The following DAPK3 variants were observed in gnomAD, a reference collection of about 807,000 sequenced individuals.
The protein encoded by DAPK3 is death associated protein kinase 3.
In DAPK3, 24 loss-of-function variants were observed where a neutral mutation model predicts 30.6. That is an observed-to-expected ratio of 0.78 (90% CI 0.57 to 1.10). The LOEUF (loss-of-function observed/expected upper bound fraction) is 1.10. DAPK3 is among the 50% of genes least tolerant of loss of function. The probability of loss-of-function intolerance (pLI) is 0.00; values close to 1 mark genes in which losing one functional copy is unlikely to be tolerated. For synonymous variants in DAPK3, 341 were observed against 284.0 expected, an observed-to-expected ratio of 1.20 and a Z score of -2.02; for missense variants, 629 against 657.3, an observed-to-expected ratio of 0.96 and a Z score of 0.47.
rs2039476091 is a variant in DAPK3, at chr19:3,959,283, C to T, written c.1183G>A (p.Ala395Thr). ...AGCGCGCCCTTGGCCTCCTCCTGCG[C>T]CTGCCGCTTGAGCGCCTCGGTCTTG... Reference protein sequence around the residue: ...LLKTEALKRQAQEEAKGALLG... With the variant: ...LLKTEALKRQTQEEAKGALLG... The change falls in exon 9 of 9, where the codon GCG becomes ACG. Residue 395 changes from alanine (A) to threonine (T), a missense_variant. This residue lies in a region of DAPK3 where 323 missense variants were observed against 278.8 expected (regional missense o/e 1.16). Coordinates refer to ENST00000545797, the MANE Select transcript of DAPK3 (RefSeq NM_001348.3). The T allele has an allele frequency of 4.4e-6, 7 of 1,597,664 alleles. No homozygotes were observed. In the East Asian group the frequency reaches 1.6e-4, roughly 36 times the overall value.
Position 3,961,078 on chromosome 19 carries a change from T to G in DAPK3, c.713A>C (p.Glu238Ala), listed in dbSNP as rs1354849188. 1 of 1,613,852 alleles carries G rather than the reference T, an allele frequency of 6.2e-7. No homozygotes were observed. The highest frequency in any genetic ancestry group is 1.1e-5 in the South Asian group (1 of 91,080). The change falls in exon 7 of 9, where the codon GAG becomes GCG. Residue 238 changes from glutamate (E) to alanine (A), a missense_variant. Transcript: ENST00000545797. ...CTCGCTGGTGTTGCTGAAGTACTCCTCGTCGAAGTCGTAGTTCACGGCTGA... is the reference window on the plus strand; with the variant it reads ...CTCGCTGGTGTTGCTGAAGTACTCCGCGTCGAAGTCGTAGTTCACGGCTGA... ...NISAVNYDFD[E>A]EYFSNTSELA...
chr19:3,959,814 G>C, intron 8 of DAPK3, 177 bp from the exon 9 acceptor site: 1 of 753,980 alleles, frequency 1.3e-6, no homozygotes, highest in Non-Finnish European at 2.1e-6. Context: ...AAAACGCTGC[G>C]GCCCTGGCCC....
rs771985823 is a variant in DAPK3, at chr19:3,963,625, C to G, written c.629+18G>C. 2.0e-6 allele frequency: 3 copies of G among 1,495,052 alleles called. No individual in the cohort carries two copies. Among genetic ancestry groups the G allele is most frequent in the Admixed American group, 2.6e-5 (1 of 38,560 alleles). 92.6% of individuals were successfully genotyped at this position (1,495,052 alleles called of 1,614,324 possible). A position where few individuals can be genotyped will look rare whatever the true frequency, so the allele number is the denominator to read the frequency against. On this transcript the variant is annotated intron_variant, in intron 6 of 8. Coordinates refer to ENST00000545797, the MANE Select transcript of DAPK3 (RefSeq NM_001348.3). ...CAGCTGTGTTGCACAGCCGAGGGGG[C>G]CCCCGCCAGGTACTCACAGGATATA... is the stretch of plus-strand genomic sequence containing the variant.
At chr19:3,963,448 TG>T (rs35728086) in intron 6 of DAPK3, among the ~76,000 whole-genome samples, 194 bp downstream of exon 6, 71,236 of 151,896 alleles carry the variant, frequency 0.47, 20,028 homozygotes, top group East Asian at 0.75. Context: ...GTGAGTGTCC[TG>T]CCTTCAGAAC....
chr19:3,968,333 A>G (rs1297851879), intron 2 of DAPK3, among the ~76,000 whole-genome samples: 1 of 152,190 alleles, frequency 6.6e-6, no homozygotes, highest in Non-Finnish European at 1.5e-5. Flanking sequence ...TGTCTCTACT[A>G]AAAATACAAA....
rs1291729328 is a variant in DAPK3, at chr19:3,958,680, C to G, written c.*421G>C. The stretch of plus-strand genomic sequence containing the variant: ...CGTCCATCCCACCCTCCCCGTCCCA[C>G]GACCTCCTCCTGGGCTAATGGCAGC... On this transcript the variant is annotated 3_prime_UTR_variant, in exon 9 of 9. Coordinates refer to ENST00000545797, the MANE Select transcript of DAPK3 (RefSeq NM_001348.3). 1 of 369,948 alleles carries G rather than the reference C, an allele frequency of 2.7e-6. No individual in the cohort carries two copies. Among genetic ancestry groups the G allele is most frequent in the East Asian group, 7.3e-5 (1 of 13,630 alleles). 22.9% of individuals were successfully genotyped at this position (369,948 alleles called of 1,614,324 possible).
Position 3,964,334 on chromosome 19 carries a change from G to T in DAPK3, c.463C>A (p.Pro155Thr), listed in dbSNP as rs1445557672. ...CCGAAGTCGATGAGCTTGATTCGTG[G>T]GTTGGGCACGTTCTTGTCCAGCAGC... is the stretch of plus-strand genomic sequence containing the variant. Reference protein sequence around the residue: ...IMLLDKNVPNPRIKLIDFGIA... With the variant: ...IMLLDKNVPNTRIKLIDFGIA... The change falls in exon 4 of 9, where the codon CCA (proline) becomes ACA (threonine). Residue 155 changes from proline to threonine, a missense_variant. Pro to Thr is a conservative substitution (Grantham distance 38). Coordinates refer to ENST00000545797, the MANE Select transcript of DAPK3 (RefSeq NM_001348.3). 1.9e-6 allele frequency: 3 copies of T among 1,613,248 alleles called. No individual in the cohort carries two copies. The highest frequency in any genetic ancestry group is 2.5e-6 in the Non-Finnish European group (3 of 1,179,240).
At position 3,965,002 on chromosome 19, in the gene DAPK3, G is replaced by C; in HGVS notation, c.63-11C>G. On this transcript the variant is annotated splice_polypyrimidine_tract_variant and intron_variant, in intron 2 of 8. Transcript: ENST00000545797. ...ATCGCAAACTGGCCGCTGGAGGAGG[G>C]GGAGGGAGTGAGTGGGGGTGGAGGA... 1.3e-6 allele frequency: 2 copies of C among 1,550,308 alleles called. No homozygotes were observed. The highest frequency in any genetic ancestry group is 1.8e-6 in the Non-Finnish European group (2 of 1,129,558).
chr19:3,959,263 G>A lies in DAPK3; in HGVS notation c.1203C>T (p.Gly401=), dbSNP rs767578366. 44 of 1,598,856 alleles carry A rather than the reference G, an allele frequency of 2.8e-5. No individual in the cohort carries two copies. The Middle Eastern group carries it at 8.2e-4, about 30-fold the overall frequency. The change falls in exon 9 of 9, where the codon GGC becomes GGT. Residue 401 remains glycine, a synonymous_variant. Transcript: ENST00000545797. ...TGAGGCCGCTGGTCCCCAGCAGCGC[G>A]CCCTTGGCCTCCTCCTGCGCCTGCC... ...LKRQAQEEAK[G]ALLGTSGLKR...
In DAPK3 at chr19:3,959,620, G is replaced by C. The variant is rs766719686; in HGVS notation, c.846C>G (p.Asn282Lys). ...HSWIKAIRRR[N>K]VRGEDSGRKP... The stretch of plus-strand genomic sequence containing the variant: ...TGCGGCCGCTGTCCTCACCACGCAC[G>C]TTCCGCCGCCGGATCGCCTAGGAAG... Residue 282 changes from asparagine to lysine, a missense_variant, in exon 9 of 9, where the codon AAC becomes AAG. Physicochemically the swap from Asn to Lys is moderately conservative, Grantham distance 94. Around this residue, in one of 2 missense-constraint regions of DAPK3, gnomAD observed 323 missense variants for 278.8 expected, o/e 1.16. Coordinates refer to ENST00000545797, the MANE Select transcript of DAPK3 (RefSeq NM_001348.3). The C allele has an allele frequency of 6.3e-7, 1 of 1,581,352 alleles. No individual in the cohort carries two copies. Among genetic ancestry groups the C allele is most frequent in the South Asian group, 1.1e-5 (1 of 88,776 alleles).
chr19:3,968,726 G>A (rs1000905398), intron 2 of DAPK3, among the ~76,000 whole-genome samples: 1 of 152,164 alleles, frequency 6.6e-6, no homozygotes. Context: ...ATTCCTGAAG[G>A]AGGGACCTCA....
Position 3,963,882 on chromosome 19 carries a change from C to T in DAPK3, c.591G>A (p.Glu197=), listed in dbSNP as rs781110395. The T allele has an allele frequency of 1.9e-6, 3 of 1,602,942 alleles. No homozygotes were observed. In the African/African-American group the frequency reaches 4.0e-5, roughly 21 times the overall value. Reference sequence around the variant, plus strand: ...GGTGGTACACTCACCACATGTCCGCCTCCAGGCCCAGCGGCTCATAGTTCA... The same window carrying T: ...GGTGGTACACTCACCACATGTCCGCTTCCAGGCCCAGCGGCTCATAGTTCA... ...EIVNYEPLGL[E]ADMWSIGVIT... is the part of the protein sequence containing the mutation. The change falls in exon 5 of 9, where the codon GAG becomes GAA. Residue 197 remains glutamate (E), a synonymous_variant. Transcript: ENST00000545797.
In DAPK3 at chr19:3,961,074, C is replaced by A; in HGVS notation, c.717G>T (p.Glu239Asp). ...ISAVNYDFDE[E>D]YFSNTSELAK... The stretch of plus-strand genomic sequence containing the variant: ...CCAGCTCGCTGGTGTTGCTGAAGTA[C>A]TCCTCGTCGAAGTCGTAGTTCACGG... Residue 239 changes from glutamate to aspartate, a missense_variant, in exon 7 of 9, where the codon GAG (glutamate) becomes GAT (aspartate). Around this residue, in one of 2 missense-constraint regions of DAPK3, gnomAD observed 306 missense variants for 378.5 expected, o/e 0.81. Transcript: ENST00000545797. 1 of 1,613,916 alleles carries A rather than the reference C, an allele frequency of 6.2e-7. No homozygotes were observed. Among genetic ancestry groups the A allele is most frequent in the Non-Finnish European group, 8.5e-7 (1 of 1,179,984 alleles).
intron 4 of DAPK3, 31 bp from the exon 5 acceptor site, chr19:3,963,950 TGG>T: frequency 6.8e-7 from 1 of 1,473,676 alleles, no homozygotes; most frequent in Non-Finnish European, 9.5e-7. Flanking sequence ...GGTCAGGCAC[TGG>T]GGACATGCTG....
At chr19:3,966,316 T>A (rs967263906) in intron 2 of DAPK3, among the ~76,000 whole-genome samples, 1 of 152,112 alleles carries the variant, frequency 6.6e-6, no homozygotes, top group Non-Finnish European at 1.5e-5. Flanking sequence ...CAGGGCAGCC[T>A]TTGCCGCTCA....
At chr19:3,961,521 A>C in intron 6 of DAPK3, 1 of 522,230 alleles carries the variant, frequency 1.9e-6, no homozygotes, top group East Asian at 5.5e-5. Context: ...CAAAGGATCA[A>C]GGTCAACAGC....
intron 8 of DAPK3, 153 bp downstream of exon 8, chr19:3,959,906 C>T (rs1599175927): frequency 1.5e-6 from 1 of 678,218 alleles, no homozygotes; most frequent in Non-Finnish European, 2.6e-6. Context: ...GCCCAGGACC[C>T]AACCCCCGCC....
chr19:3,960,997 G>A lies in DAPK3; in HGVS notation c.782+12C>T, dbSNP rs201795656. The A allele has an allele frequency of 5.0e-6, 8 of 1,612,220 alleles. No homozygotes were observed. The highest frequency in any genetic ancestry group is 1.3e-5 in the African/African-American group (1 of 74,896). ...CATGTCCCACCCCGTGCCCCCTGCC[G>A]GCCCCTCGTACTTGGGATCTTTGAC... On this transcript the variant is annotated intron_variant, in intron 7 of 8. Coordinates refer to ENST00000545797, the MANE Select transcript of DAPK3 (RefSeq NM_001348.3).
rs146172764 is a variant in DAPK3 at position 3,966,453 on chromosome 19, T to C, written c.63-1462A>G. ...TCCAGTCCACAGGGCTCTGAACGCCTGCTGGGAAGAGAGGATCTCTCTCTC... is the reference window on the plus strand; with the variant it reads ...TCCAGTCCACAGGGCTCTGAACGCCCGCTGGGAAGAGAGGATCTCTCTCTC... On this transcript the variant is annotated intron_variant, in intron 2 of 8. Transcript: ENST00000545797. Among the ~76,000 whole-genome samples, 84 of 152,302 alleles carry C rather than the reference T, an allele frequency of 5.5e-4. 1 individual carries two copies. The highest frequency in any genetic ancestry group is 1.8e-3 in the African/African-American group (75 of 41,562).
Sources: gnomAD v4.1 joint callset for allele counts (sites outside exome capture counted in the v4.1 genomes callset) on GRCh38, gnomAD v4.1.1 for gene constraint, gnomAD v4.1.1 regional missense constraint, MANE v1.5 for transcripts, NCBI Gene and HGNC (gene_info 2026-07-23, HGNC 2026-07-21) for gene names.